PPP2R2C: variants seen among roughly 807,000 people sequenced by gnomAD.
PPP2R2C encodes protein phosphatase 2, regulatory subunit B, gamma.
Under a neutral mutation model 45.3 loss-of-function variants are expected in PPP2R2C, and 10 were observed. The observed-to-expected ratio is 0.22, with a 90% CI of 0.14 to 0.37. PPP2R2C has a LOEUF of 0.37. Among genes scored for constraint, PPP2R2C ranks in the 10% least tolerant of loss-of-function variants. The pLI, the probability that PPP2R2C is intolerant of heterozygous loss-of-function variation, is 1.00. For synonymous variants in PPP2R2C, 257 were observed against 245.4 expected, an observed-to-expected ratio of 1.05 and a Z score of -0.44; for missense variants, 308 against 619.7, an observed-to-expected ratio of 0.50 and a Z score of 5.34.
chr4:6,364,729 A>G lies in PPP2R2C; in HGVS notation c.625+7794T>C, dbSNP rs1298761485. On this transcript the variant is annotated intron_variant, in intron 5 of 8. Transcript: ENST00000382599. This position sits in a 1 kb window ranked among gnomAD's most constrained non-coding sequence, Gnocchi z 5.3. ...AGCTGCCCGAGGCCGCGGAGTCCCT[A>G]TGTCTTGGGGCCAAGGTCTGAGCCC... Among the ~76,000 whole-genome samples, 1 of 152,122 alleles carries G rather than the reference A, an allele frequency of 6.6e-6. No homozygotes were observed. The highest frequency in any genetic ancestry group is 2.4e-5 in the African/African-American group (1 of 41,422).
chr4:6,367,578 G>A (rs1388212687), intron 5 of PPP2R2C, among the ~76,000 whole-genome samples: 1 of 152,186 alleles, frequency 6.6e-6, no homozygotes, highest in African/African-American at 2.4e-5. Flanking sequence ...AGCTCCGCAT[G>A]GGGTCTCAGC....
chr4:6,492,284 C>T (rs1438690708), intron 2 of PPP2R2C, among the ~76,000 whole-genome samples: 1 of 152,190 alleles, frequency 6.6e-6, no homozygotes, highest in Non-Finnish European at 1.5e-5. Flanking sequence ...CCACTGCAAT[C>T]CAAAAACCCA....
intron 2 of PPP2R2C, among the ~76,000 whole-genome samples, chr4:6,499,430 A>G (rs1722976183): frequency 6.6e-6 from 1 of 152,052 alleles, no homozygotes; most frequent in Non-Finnish European, 1.5e-5. Flanking sequence ...GGCCACACAC[A>G]GTCCTACCTC....
chr4:6,485,539 T>C (rs893972084), intron 2 of PPP2R2C, among the ~76,000 whole-genome samples: 1 of 151,968 alleles, frequency 6.6e-6, no homozygotes, highest in Admixed American at 6.6e-5. Context: ...GTAAATTCAA[T>C]TTACTCAATA....
At chr4:6,456,637 C>T (rs528359440) in intron 1 of PPP2R2C, among the ~76,000 whole-genome samples, 1 of 152,308 alleles carries the variant, frequency 6.6e-6, no homozygotes, top group Non-Finnish European at 1.5e-5. Context: ...AGCAGACAGG[C>T]TGGCTGGAGG....
chr4:6,450,078 G>A (rs1720654566), intron 1 of PPP2R2C, among the ~76,000 whole-genome samples: 1 of 152,218 alleles, frequency 6.6e-6, no homozygotes, highest in Non-Finnish European at 1.5e-5. Flanking sequence ...TTAGCTCTGG[G>A]AGACACTGGG....
At chr4:6,362,318 G>T (rs1713836781) in intron 5 of PPP2R2C, among the ~76,000 whole-genome samples, 1 of 152,132 alleles carries the variant, frequency 6.6e-6, no homozygotes. Flanking sequence ...GCAGGCCAAA[G>T]GTCTGGGGCT....
Position 6,524,974 on chromosome 4 carries a change from A to C in PPP2R2C, c.49+10297T>G, listed in dbSNP as rs529535590. On this transcript the variant is annotated intron_variant, in intron 2 of 9. Transcript: ENST00000506140. ...ACATGGTAGCATTTTAAAATTAGCT[A>C]CTTGGAGAGGCTGAGGCAGAAGGAT... is the stretch of plus-strand genomic sequence containing the variant. Among the ~76,000 whole-genome samples, 3 of 152,256 alleles carry C rather than the reference A, an allele frequency of 2.0e-5. No homozygotes were observed. In the South Asian group the frequency reaches 6.2e-4, roughly 32 times the overall value.
intron 2 of PPP2R2C, among the ~76,000 whole-genome samples, chr4:6,500,698 C>G (rs753270534): frequency 6.6e-6 from 1 of 152,226 alleles, no homozygotes; most frequent in Non-Finnish European, 1.5e-5. Flanking sequence ...TGGGGTGCAT[C>G]CGGGGCCCTG....
chr4:6,514,078 A>C (rs756989634), intron 2 of PPP2R2C, among the ~76,000 whole-genome samples: 1 of 152,200 alleles, frequency 6.6e-6, no homozygotes, highest in Non-Finnish European at 1.5e-5. Context: ...CACCGAATTC[A>C]TTTTATGTAA....
chr4:6,367,314 A>G (rs1714410913), intron 5 of PPP2R2C, among the ~76,000 whole-genome samples: 1 of 152,152 alleles, frequency 6.6e-6, no homozygotes, highest in South Asian at 2.1e-4. Context: ...GAGATGCGAC[A>G]TGGTGGAAAA....
intron 1 of PPP2R2C, among the ~76,000 whole-genome samples, chr4:6,537,113 G>A (rs62286150): frequency 7.2e-5 from 11 of 151,912 alleles, no homozygotes; most frequent in African/African-American, 2.4e-4. Context: ...TGAGGCAAGA[G>A]AATCACTTGA....
chr4:6,496,136 G>A (rs144942785), intron 2 of PPP2R2C, among the ~76,000 whole-genome samples: 8 of 152,268 alleles, frequency 5.3e-5, no homozygotes, highest in East Asian at 1.9e-4. Context: ...GGACAATCTC[G>A]TCTTGAGATC....
intron 1 of PPP2R2C, among the ~76,000 whole-genome samples, chr4:6,428,868 G>A (rs1002825385): frequency 6.6e-6 from 1 of 152,238 alleles, no homozygotes; most frequent in African/African-American, 2.4e-5. Flanking sequence ...GTGGCAGAGC[G>A]GGTTTCGAAC....
At chr4:6,425,837 GGT>G (rs1560539292) in intron 1 of PPP2R2C, among the ~76,000 whole-genome samples, 2 of 150,840 alleles carry the variant, frequency 1.3e-5, no homozygotes, top group African/African-American at 4.9e-5. Context: ...GTGTGTGTGT[GGT>G]GTGTGTGTTA....
chr4:6,413,863 A>AC, intron 1 of PPP2R2C: 1 of 1,535,050 alleles, frequency 6.5e-7, no homozygotes, highest in African/African-American at 1.4e-5. Context: ...CACGATGGGG[A>AC]CCCTCCCAAC....
At chr4:6,511,314 G>C (rs1005947628) in intron 2 of PPP2R2C, among the ~76,000 whole-genome samples, 1 of 152,018 alleles carries the variant, frequency 6.6e-6, no homozygotes, top group South Asian at 2.1e-4. Flanking sequence ...TGATGGTATT[G>C]ATGGTGGTGA....
chr4:6,438,784 C>G (rs1720013543), intron 1 of PPP2R2C, among the ~76,000 whole-genome samples: 2 of 152,196 alleles, frequency 1.3e-5, no homozygotes, highest in African/African-American at 4.8e-5. Context: ...CTGCGCTTGT[C>G]TTTGGTTACT....
chr4:6,444,971 G>A (rs2108738511), intron 1 of PPP2R2C, among the ~76,000 whole-genome samples: 1 of 152,258 alleles, frequency 6.6e-6, no homozygotes, highest in South Asian at 2.1e-4. Context: ...GATCCCTTCA[G>A]CCTAGGGGTT....
Sources: gnomAD v4.1 joint callset for allele counts (sites outside exome capture counted in the v4.1 genomes callset) on GRCh38, gnomAD v4.1.1 for gene constraint, Gnocchi (gnomAD v3.1) non-coding constraint, MANE v1.5 for transcripts, NCBI Gene and HGNC (gene_info 2026-07-23, HGNC 2026-07-21) for gene names.